Variants in BRCA2 observed in about 807,000 individuals in gnomAD.
BRCA2 encodes the protein breast cancer type 2 susceptibility protein.
A neutral mutation model predicts 276.7 loss-of-function variants in BRCA2; 203 were observed. That is an observed-to-expected ratio of 0.73 (90% CI 0.65 to 0.82). The LOEUF (loss-of-function observed/expected upper bound fraction) is 0.82. Ranked by LOEUF, BRCA2 falls within the 40% of genes least tolerant of loss-of-function variation. The probability of loss-of-function intolerance (pLI) is 0.00; values close to 1 mark genes in which losing one functional copy is unlikely to be tolerated. For missense variants in BRCA2, 3,920 were observed against 3,915.0 expected (o/e 1.00, Z -0.03); for synonymous variants, 1,289 against 1,338.4 (o/e 0.96, Z 0.81).
chr13:32,326,457 A>G lies in BRCA2; in HGVS notation c.517-42A>G, dbSNP rs748993891. On this transcript the variant is annotated intron_variant, in intron 6 of 26. Transcript: ENST00000380152. Reference sequence around the variant, plus strand: ...TGAAAAAATAATATCCTTAATGATCAGGGCATTTCTATAAAAAATAAACTA... The same window carrying G: ...TGAAAAAATAATATCCTTAATGATCGGGGCATTTCTATAAAAAATAAACTA... The G allele has an allele frequency of 1.1e-5, 17 of 1,499,976 alleles. No individual in the cohort carries two copies. Among genetic ancestry groups the G allele is most frequent in the Non-Finnish European group, 6.5e-6 (7 of 1,076,944 alleles). 92.9% of individuals were successfully genotyped at this position (1,499,976 alleles called of 1,614,324 possible).
chr13:32,396,801 C>G, intron 25 of BRCA2, 97 bp from the exon 26 acceptor site: 1 of 1,503,974 alleles, frequency 6.6e-7, no homozygotes. Flanking sequence ...CTTTTTTGGT[C>G]CAAACTTTTC....
intron 10 of BRCA2, among the ~76,000 whole-genome samples, chr13:32,335,276 T>C (rs894203921): frequency 6.9e-6 from 1 of 144,684 alleles, no homozygotes; most frequent in African/African-American, 2.6e-5. Flanking sequence ...ACCTGGGAGA[T>C]GGAGGTTGCA....
intron 16 of BRCA2, among the ~76,000 whole-genome samples, chr13:32,358,971 C>T (rs2072720366): frequency 6.6e-6 from 1 of 150,526 alleles, no homozygotes; most frequent in Admixed American, 6.6e-5. Flanking sequence ...CCTATAATCC[C>T]AGCACTTTGG....
intron 16 of BRCA2, 48 bp from the exon 17 acceptor site, chr13:32,362,475 A>T: frequency 6.5e-7 from 1 of 1,549,580 alleles, no homozygotes; most frequent in East Asian, 2.2e-5. Flanking sequence ...TGAATTCAGT[A>T]TCATCCTATG....
Position 32,380,079 on chromosome 13 carries a change from G to T in BRCA2, c.9190G>T (p.Asp3064Tyr), listed in dbSNP as rs80359177. 6.2e-7 allele frequency: 1 copy of T among 1,613,906 alleles called. No homozygotes were observed. The highest frequency in any genetic ancestry group is 8.5e-7 in the Non-Finnish European group (1 of 1,179,976). Residue 3064 changes from aspartate (D) to tyrosine (Y), a missense_variant, in exon 24 of 27, where the codon GAC (aspartate) becomes TAC (tyrosine). Transcript: ENST00000380152. ...PLHFSKFLDP[D>Y]FQPSCSEVDL... Reference sequence around the variant, plus strand: ...TCACTTCAGCAAATTTTTAGATCCAGACTTTCAGCCATCTTGTTCTGAGGT... The same window carrying T: ...TCACTTCAGCAAATTTTTAGATCCATACTTTCAGCCATCTTGTTCTGAGGT...
rs786201479 is a variant in BRCA2, at chr13:32,336,851, G to A, written c.2496G>A (p.Glu832=). The change falls in exon 11 of 27, where the codon GAG becomes GAA. Residue 832 remains glutamate, a synonymous_variant. Transcript: ENST00000380152. ...TAAATGAAAATTATAAAAACGTTGAGCTGTTGCCACCTGAAAAATACATGA... is the reference window on the plus strand; with the variant it reads ...TAAATGAAAATTATAAAAACGTTGAACTGTTGCCACCTGAAAAATACATGA... ...CALNENYKNV[E]LLPPEKYMRV... is the part of the protein sequence containing the mutation. 5.0e-6 allele frequency: 8 copies of A among 1,606,938 alleles called. No individual in the cohort carries two copies. The highest frequency in any genetic ancestry group is 6.8e-6 in the Non-Finnish European group (8 of 1,178,342).
intron 18 of BRCA2, among the ~76,000 whole-genome samples, chr13:32,369,716 G>GGC (rs1004326087): frequency 6.6e-6 from 1 of 152,094 alleles, no homozygotes; most frequent in Non-Finnish European, 1.5e-5. Flanking sequence ...TGGGATTACA[G>GGC]GCGCCCACCA....
In BRCA2 at chr13:32,332,517, C is replaced by A. The variant is rs794726967; in HGVS notation, c.1039C>A (p.Gln347Lys). Residue 347 changes from glutamine to lysine, a missense_variant, in exon 10 of 27, where the codon CAA becomes AAA. Gln to Lys is a moderately conservative substitution (Grantham distance 53, BLOSUM62 1). Transcript: ENST00000380152. ...NADECEKSKN[Q>K]VKEKYSFVSE... ...TGATGAATGTGAAAAATCTAAAAACCAAGTGAAAGAAAAATACTCATTTGT... is the reference window on the plus strand; with the variant it reads ...TGATGAATGTGAAAAATCTAAAAACAAAGTGAAAGAAAAATACTCATTTGT... 1.2e-6 allele frequency: 2 copies of A among 1,610,740 alleles called. No individual in the cohort carries two copies. The highest frequency in any genetic ancestry group is 2.7e-5 in the African/African-American group (2 of 74,734).
At chr13:32,366,001 A>C (rs891913127) in intron 18 of BRCA2, among the ~76,000 whole-genome samples, 1 of 151,426 alleles carries the variant, frequency 6.6e-6, no homozygotes, top group African/African-American at 2.4e-5. Context: ...GATGGTTTTT[A>C]ATTTTTTTCT....
At chr13:32,345,991 G>A (rs932148261) in intron 12 of BRCA2, among the ~76,000 whole-genome samples, 2 of 151,668 alleles carry the variant, frequency 1.3e-5, no homozygotes, top group African/African-American at 4.8e-5. Context: ...TTCCGGATGT[G>A]GTTACCAATT....
chr13:32,327,202 C>T (rs918339697), intron 7 of BRCA2, among the ~76,000 whole-genome samples: 3 of 152,174 alleles, frequency 2.0e-5, no homozygotes, highest in Non-Finnish European at 4.4e-5. Flanking sequence ...AATCCCAACA[C>T]TTTGGGAGGC....
intron 16 of BRCA2, among the ~76,000 whole-genome samples, chr13:32,361,133 A>G (rs1451053513): frequency 1.3e-5 from 2 of 152,172 alleles, no homozygotes; most frequent in African/African-American, 4.8e-5. Flanking sequence ...ATATAGATGG[A>G]CTTGAAGGCC....
rs75649145 is a variant in BRCA2 at position 32,368,998 on chromosome 13, C to T, written c.8332-1404C>T. ...GCTAATTTTTTATTTTTAGTAGAGA[C>T]GGGGTTTCACCATCTTGGCCAGGCT... On this transcript the variant is annotated intron_variant, in intron 18 of 26. Coordinates refer to ENST00000380152, the MANE Select transcript of BRCA2 (RefSeq NM_000059.4). Among the ~76,000 whole-genome samples, 6,147 of 151,690 alleles carry T rather than the reference C, an allele frequency of 0.041. 212 individuals are homozygous for T. Among genetic ancestry groups the T allele is most frequent in the South Asian group, 0.11 (550 of 4,800 alleles).
intron 8 of BRCA2, 62 bp from the exon 9 acceptor site, chr13:32,330,856 GA>G: frequency 1.0e-6 from 1 of 955,112 alleles, no homozygotes; most frequent in Non-Finnish European, 1.7e-6. Flanking sequence ...GATAAGGGGG[GA>G]CTACTACTAT....
chr13:32,360,462 C>G (rs557562428), intron 16 of BRCA2, among the ~76,000 whole-genome samples: 1 of 152,098 alleles, frequency 6.6e-6, no homozygotes, highest in African/African-American at 2.4e-5. Flanking sequence ...CAGGTTCAAG[C>G]GATTCTCCTG....
rs80358869 is a variant in BRCA2, at chr13:32,340,659, G to A, written c.6304G>A (p.Val2102Ile). ...LHYSPTSRQN[V>I]SKILPRVDKR... is the part of the protein sequence containing the mutation. ...CTATTCACCTACGTCTAGACAAAATGTATCAAAAATACTTCCTCGTGTTGA... is the reference window on the plus strand; with the variant it reads ...CTATTCACCTACGTCTAGACAAAATATATCAAAAATACTTCCTCGTGTTGA... Residue 2102 changes from valine (V) to isoleucine (I), a missense_variant, in exon 11 of 27, where the codon GTA becomes ATA. Around this residue, in one of 2 missense-constraint regions of BRCA2, gnomAD observed 3,263 missense variants for 3,156.9 expected, o/e 1.03. Coordinates refer to ENST00000380152, the MANE Select transcript of BRCA2 (RefSeq NM_000059.4). 1.4e-5 allele frequency: 23 copies of A among 1,606,708 alleles called. 1 individual carries two copies. In the South Asian group the frequency reaches 1.9e-4, roughly 13 times the overall value.
In BRCA2 at chr13:32,398,287, G is replaced by A. The variant is rs2137663715; in HGVS notation, c.9774G>A (p.Glu3258=). 6.2e-7 allele frequency: 1 copy of A among 1,614,152 alleles called. No homozygotes were observed. Among genetic ancestry groups the A allele is most frequent in the Non-Finnish European group, 8.5e-7 (1 of 1,180,020 alleles). ...MTSKSCKGEK[E]IDDQKNCKKR... ...CAAAGTCTTGTAAAGGGGAGAAAGAGATTGATGACCAAAAGAACTGCAAAA... is the reference window on the plus strand; with the variant it reads ...CAAAGTCTTGTAAAGGGGAGAAAGAAATTGATGACCAAAAGAACTGCAAAA... Residue 3258 remains glutamate, a synonymous_variant, in exon 27 of 27, where the codon GAG becomes GAA. Transcript: ENST00000380152.
intron 20 of BRCA2, among the ~76,000 whole-genome samples, chr13:32,376,461 C>A (rs1467650228): frequency 6.7e-6 from 1 of 148,524 alleles, no homozygotes; most frequent in Non-Finnish European, 1.5e-5. Flanking sequence ...ACAGAGGTTG[C>A]AATGAGCCGA....
rs529779203 is a variant in BRCA2 at position 32,362,601 on chromosome 13, A to G, written c.7884A>G (p.Ile2628Met). 5.0e-6 allele frequency: 8 copies of G among 1,614,208 alleles called. No individual in the cohort carries two copies. The South Asian group carries it at 7.7e-5, about 16-fold the overall frequency. Residue 2628 changes from isoleucine to methionine, a missense_variant, in exon 17 of 27, where the codon ATA becomes ATG. By Grantham distance (10) the Ile-to-Met change is conservative. Around this residue, in one of 2 missense-constraint regions of BRCA2, gnomAD observed 3,263 missense variants for 3,156.9 expected, o/e 1.03. Transcript: ENST00000380152. ...TTTATAATCACTATAGATGGATCAT[A>G]TGGAAACTGGCAGCTATGGAATGTG... is the stretch of plus-strand genomic sequence containing the variant. The part of the protein sequence containing the change: ...IWVYNHYRWI[I>M]WKLAAMECAF...
Sources: gnomAD v4.1 joint callset for allele counts (sites outside exome capture counted in the v4.1 genomes callset) on GRCh38, gnomAD v4.1.1 for gene constraint, gnomAD v4.1.1 regional missense constraint, MANE v1.5 for transcripts, NCBI Gene and HGNC (gene_info 2026-07-23, HGNC 2026-07-21) for gene names.